The following FRAS1 variants were observed in gnomAD, a reference collection of about 807,000 sequenced individuals.
The protein encoded by FRAS1 is Fraser extracellular matrix complex subunit 1, also known as extracellular matrix organizing protein FRAS1.
A neutral mutation model predicts 435.2 loss-of-function variants in FRAS1; 290 were observed. That is an observed-to-expected ratio of 0.67 (90% CI 0.61 to 0.73). FRAS1 has a LOEUF of 0.73. FRAS1 is among the 30% of genes least tolerant of loss of function. FRAS1 has a pLI of 0.00. For missense variants in FRAS1, 4,860 were observed against 5,001.5 expected (o/e 0.97, Z 0.85); for synonymous variants, 1,800 against 1,851.0 (o/e 0.97, Z 0.71).
rs113653209 is a variant in FRAS1 at position 78,443,351 on chromosome 4, G to A, written c.5665+2054G>A. ...CCAGCCTGGGCAGCAGAGGGAAACC[G>A]TACCTCAAAAAAGAAAAGAAACTAG... On this transcript the variant is annotated intron_variant, in intron 41 of 73. Coordinates refer to ENST00000512123, the MANE Select transcript of FRAS1 (RefSeq NM_025074.7). Among the ~76,000 whole-genome samples the A allele has an allele frequency of 9.2e-5, 14 of 152,156 alleles. No homozygotes were observed. The East Asian group carries it at 1.2e-3, about 13-fold the overall frequency.
In FRAS1 at chr4:78,058,075, T is replaced by G. The variant is rs776320503; in HGVS notation, c.66T>G (p.His22Gln). ...LALAEFAVLP[H>Q]HSEGACVYQD... ...TGGCGGAATTTGCAGTATTGCCTCA[T>G]CATTCCGAAGGTGAGAGAGCGGTGC... The change falls in exon 1 of 74, where the codon CAT becomes CAG. Residue 22 changes from histidine to glutamine, a missense_variant. Physicochemically the swap from His to Gln is conservative, Grantham distance 24. Transcript: ENST00000512123. 3.5e-5 allele frequency: 56 copies of G among 1,613,580 alleles called. 1 individual carries two copies. The South Asian group carries it at 6.0e-4, about 17-fold the overall frequency.
chr4:78,065,087 T>TACAC (rs1293298298), intron 1 of FRAS1, among the ~76,000 whole-genome samples: 3 of 141,344 alleles, frequency 2.1e-5, no homozygotes, highest in African/African-American at 5.2e-5. Flanking sequence ...TATATATACA[T>TACAC]ACACACACAC....
intron 2 of FRAS1, among the ~76,000 whole-genome samples, chr4:78,075,614 G>A (rs1357184684): frequency 1.3e-5 from 2 of 152,292 alleles, no homozygotes; most frequent in African/African-American, 4.8e-5. Flanking sequence ...ACTACTGTGT[G>A]ACTCTGGGCA....
At chr4:78,113,454 A>C (rs981939242) in intron 2 of FRAS1, among the ~76,000 whole-genome samples, 5 of 152,134 alleles carry the variant, frequency 3.3e-5, no homozygotes, top group Middle Eastern at 3.2e-3. Context: ...ACAGTGTAAA[A>C]GTGTTCCTAT....
intron 2 of FRAS1, among the ~76,000 whole-genome samples, chr4:78,101,159 C>T (rs1742109791): frequency 6.6e-6 from 1 of 151,632 alleles, no homozygotes; most frequent in African/African-American, 2.4e-5. Context: ...TTTATAAGGA[C>T]CTTACTCCAC....
intron 22 of FRAS1, among the ~76,000 whole-genome samples, chr4:78,367,363 C>T (rs1331469439): frequency 6.7e-6 from 1 of 150,254 alleles, no homozygotes; most frequent in African/African-American, 2.5e-5. Flanking sequence ...GTTCATGCCA[C>T]TATACTCCAG....
At chr4:78,457,908 T>G (rs1347514160) in intron 47 of FRAS1, among the ~76,000 whole-genome samples, 2 of 152,204 alleles carry the variant, frequency 1.3e-5, no homozygotes, top group Non-Finnish European at 2.9e-5. Flanking sequence ...AGCTCACTTC[T>G]GAAAGTTCTC....
At chr4:78,252,932 G>A (rs1283991444) in intron 5 of FRAS1, among the ~76,000 whole-genome samples, 4 of 152,164 alleles carry the variant, frequency 2.6e-5, no homozygotes, top group Admixed American at 2.6e-4. Flanking sequence ...GTATTGTCTT[G>A]ATAAACATCT....
chr4:78,370,002 T>C lies in FRAS1; in HGVS notation c.2869+18T>C, dbSNP rs1368135137. 5 of 1,609,242 alleles carry C rather than the reference T, an allele frequency of 3.1e-6. No homozygotes were observed. The highest frequency in any genetic ancestry group is 1.1e-5 in the South Asian group (1 of 90,246). On this transcript the variant is annotated intron_variant, in intron 23 of 73. Coordinates refer to ENST00000512123, the MANE Select transcript of FRAS1 (RefSeq NM_025074.7). ...GTGCAAAGGTAAAGCTCTTCCTGAATTGTGTAAAGATTCTTTTACACAGTG... is the reference window on the plus strand; with the variant it reads ...GTGCAAAGGTAAAGCTCTTCCTGAACTGTGTAAAGATTCTTTTACACAGTG...
rs975502649 is a variant in FRAS1, at chr4:78,413,000, T to A, written c.4340T>A (p.Leu1447Gln). ...VSSASNAQTR[L>Q]ESHMFNIAIL... The stretch of plus-strand genomic sequence containing the variant: ...AGTGCCTCCAATGCCCAGACCCGCC[T>A]GGAGAGCCACATGTTCAACATCGCG... Residue 1447 changes from leucine (L) to glutamine (Q), a missense_variant, in exon 32 of 74, where the codon CTG becomes CAG. By Grantham distance (113) the Leu-to-Gln change is moderately radical. Coordinates refer to ENST00000512123, the MANE Select transcript of FRAS1 (RefSeq NM_025074.7). The A allele has an allele frequency of 2.5e-6, 4 of 1,609,042 alleles. No homozygotes were observed. The highest frequency in any genetic ancestry group is 3.4e-6 in the Non-Finnish European group (4 of 1,177,896).
chr4:78,269,811 A>G (rs973406389), intron 9 of FRAS1, among the ~76,000 whole-genome samples: 2 of 152,248 alleles, frequency 1.3e-5, no homozygotes, highest in Non-Finnish European at 2.9e-5. Context: ...AAGAGGACCT[A>G]GCATTCACAT....
chr4:78,211,194 A>G (rs1451433327), intron 2 of FRAS1, among the ~76,000 whole-genome samples: 2 of 152,208 alleles, frequency 1.3e-5, no homozygotes, highest in Admixed American at 1.3e-4. Flanking sequence ...AAAGGACATG[A>G]AGGAAACTTC....
chr4:78,248,453 A>G (rs1578205568), intron 4 of FRAS1, among the ~76,000 whole-genome samples: 1 of 152,148 alleles, frequency 6.6e-6, no homozygotes. Flanking sequence ...ATCTGAGTAG[A>G]TGGGGCTTGA....
Position 78,481,870 on chromosome 4 carries a change from C to T in FRAS1, c.8510C>T (p.Ala2837Val), listed in dbSNP as rs1720020786. The change falls in exon 57 of 74, where the codon GCA (alanine) becomes GTA (valine). Residue 2837 changes from alanine (A) to valine (V), a missense_variant. Coordinates refer to ENST00000512123, the MANE Select transcript of FRAS1 (RefSeq NM_025074.7). Reference protein sequence around the residue: ...DLSTFASVWCATRPSDPASAT... With the variant: ...DLSTFASVWCVTRPSDPASAT... ...TCTACTTTCGCATCTGTCTGGTGTG[C>T]AACGCGGCCCTCAGACCCAGCTTCT... 1 of 1,613,892 alleles carries T rather than the reference C, an allele frequency of 6.2e-7. No homozygotes were observed. The highest frequency in any genetic ancestry group is 1.7e-5 in the Admixed American group (1 of 60,010).
At chr4:78,197,013 A>G (rs1722842379) in intron 2 of FRAS1, among the ~76,000 whole-genome samples, 1 of 152,232 alleles carries the variant, frequency 6.6e-6, no homozygotes, top group Non-Finnish European at 1.5e-5. Flanking sequence ...GAACAGAAAT[A>G]TGGGTGAGAT....
rs775871061 is a variant in FRAS1, at chr4:78,492,571, G to T, written c.8958+3491G>T. On this transcript the variant is annotated intron_variant, in intron 59 of 73. Transcript: ENST00000512123. ...AAGGATTTCCTACTTAATAAATGGT[G>T]TTGGGAAAACTAGCTAGCCATATGC... Among the ~76,000 whole-genome samples the T allele has an allele frequency of 7.6e-4, 115 of 152,286 alleles. 2 individuals carry two copies. The highest frequency in any genetic ancestry group is 1.8e-3 in the Admixed American group (27 of 15,292).
Position 78,387,375 on chromosome 4 carries a change from G to A in FRAS1, c.3649G>A (p.Ala1217Thr). 2 of 1,594,246 alleles carry A rather than the reference G, an allele frequency of 1.3e-6. No homozygotes were observed. The highest frequency in any genetic ancestry group is 2.2e-5 in the East Asian group (1 of 44,604). ...LINIQAFSTQ[A>T]PYVLRNEVLH... Reference sequence around the variant, plus strand: ...ACTCTTCTTCCCTTCAACTCCACAGGCCCCCTATGTGCTGAGAAATGAAGT... The same window carrying A: ...ACTCTTCTTCCCTTCAACTCCACAGACCCCCTATGTGCTGAGAAATGAAGT... Residue 1217 changes from alanine to threonine, a missense_variant and splice_region_variant, in exon 29 of 74, where the codon GCC becomes ACC. By Grantham distance (58) the Ala-to-Thr change is moderately conservative. Coordinates refer to ENST00000512123, the MANE Select transcript of FRAS1 (RefSeq NM_025074.7).
At chr4:78,210,932 G>A (rs971478364) in intron 2 of FRAS1, among the ~76,000 whole-genome samples, 3 of 152,116 alleles carry the variant, frequency 2.0e-5, no homozygotes, top group African/African-American at 4.8e-5. Flanking sequence ...CCCCATGTCC[G>A]CACCCACCAA....
Position 78,057,973 on chromosome 4 carries a change from A to C in FRAS1, c.-37A>C. ...TGGCGGAGCCGCTTCTTGGATGCTG[A>C]AGGCTGGGCTCCTCCATCGTGGGTG... On this transcript the variant is annotated 5_prime_UTR_variant, in exon 1 of 74. Coordinates refer to ENST00000512123, the MANE Select transcript of FRAS1 (RefSeq NM_025074.7). The surrounding 1 kb of genome is among the most constrained non-coding windows in gnomAD (Gnocchi z 4.2). 1 of 1,603,676 alleles carries C rather than the reference A, an allele frequency of 6.2e-7. No homozygotes were observed. Among genetic ancestry groups the C allele is most frequent in the Non-Finnish European group, 8.5e-7 (1 of 1,171,262 alleles).
Sources: allele counts gnomAD v4.1 joint callset (sites outside exome capture counted in the v4.1 genomes callset), GRCh38; gene constraint gnomAD v4.1.1; non-coding constraint Gnocchi (gnomAD v3.1); transcripts MANE v1.5; gene names NCBI Gene and HGNC (gene_info 2026-07-23, HGNC 2026-07-21).